The following GRM3 variants were observed in gnomAD, a reference collection of about 807,000 sequenced individuals.
The protein encoded by GRM3 is metabotropic glutamate receptor 3.
Under a neutral mutation model 70.5 loss-of-function variants are expected in GRM3, and 26 were observed. The ratio of observed to expected loss-of-function variants is 0.37; its 90% confidence interval spans 0.27 to 0.51. The LOEUF (loss-of-function observed/expected upper bound fraction) is 0.51, where lower values mean the gene tolerates loss of function less well. GRM3 is among the 20% of genes least tolerant of loss of function. The pLI is 0.93. For missense variants in GRM3, 859 were observed against 1,123.8 expected (o/e 0.76, Z 3.37); for synonymous variants, 443 against 434.9 (o/e 1.02, Z -0.23).
Position 86,769,416 on chromosome 7 carries a change from C to T in GRM3, c.468+3803C>T, listed in dbSNP as rs1226095091. On this transcript the variant is annotated intron_variant, in intron 2 of 5. Transcript: ENST00000361669. ...TTGCAAATTGCCTGTTGAGAGAGAA[C>T]TTTAGAGAATGACAGCATTTTGTGC... Among the ~76,000 whole-genome samples, 8 of 152,204 alleles carry T rather than the reference C, an allele frequency of 5.3e-5. No homozygotes were observed. The East Asian group carries it at 1.2e-3, about 22-fold the overall frequency.
chr7:86,860,300 G>A (rs1798930345), intron 5 of GRM3, among the ~76,000 whole-genome samples: 1 of 152,000 alleles, frequency 6.6e-6, no homozygotes, highest in African/African-American at 2.4e-5. Flanking sequence ...ATAACAGACG[G>A]GCTAATACAG....
intron 3 of GRM3, among the ~76,000 whole-genome samples, chr7:86,803,623 C>T (rs1003895005): frequency 3.9e-5 from 6 of 152,188 alleles, no homozygotes; most frequent in East Asian, 1.9e-4. Context: ...CAGCCTTCTA[C>T]TTTTTGCTGC....
At chr7:86,806,126 A>G (rs1298937550) in intron 3 of GRM3, among the ~76,000 whole-genome samples, 1 of 151,906 alleles carries the variant, frequency 6.6e-6, no homozygotes, top group Non-Finnish European at 1.5e-5. Context: ...TATGTGCCAC[A>G]TTTTCTTAAT....
In GRM3 at chr7:86,756,046, A is replaced by G. The variant is rs117286359; in HGVS notation, c.-140-8960A>G. Among the ~76,000 whole-genome samples, 709 of 152,018 alleles carry G rather than the reference A, an allele frequency of 4.7e-3. 5 individuals are homozygous for G. The highest frequency in any genetic ancestry group is 8.0e-3 in the Non-Finnish European group (547 of 67,964). On this transcript the variant is annotated intron_variant, in intron 1 of 5. Transcript: ENST00000361669. ...TCTGGTGTTGTTTCCTCTTACTTTG[A>G]AGTAATTCCTGTAGCATTTCTTTGT...
intron 3 of GRM3, among the ~76,000 whole-genome samples, chr7:86,799,913 G>T (rs993169620): frequency 1.3e-5 from 2 of 152,144 alleles, no homozygotes; most frequent in Non-Finnish European, 2.9e-5. Flanking sequence ...AGATAATCAT[G>T]TGTTTTTTGT....
chr7:86,794,638 G>A (rs2116592647), intron 3 of GRM3, among the ~76,000 whole-genome samples: 1 of 152,280 alleles, frequency 6.6e-6, no homozygotes, highest in East Asian at 1.9e-4. Flanking sequence ...CTTAGCAGGG[G>A]TCCACAATAC....
chr7:86,734,817 A>G (rs540105090), intron 1 of GRM3, among the ~76,000 whole-genome samples: 99 of 152,162 alleles, frequency 6.5e-4, no homozygotes, highest in African/African-American at 2.1e-3. Context: ...CCTCCTCTAT[A>G]TTCCCCCTTC....
intron 1 of GRM3, among the ~76,000 whole-genome samples, chr7:86,749,787 A>G (rs1388215618): frequency 6.6e-6 from 1 of 152,092 alleles, no homozygotes; most frequent in Non-Finnish European, 1.5e-5. Context: ...AGGTGCCTAG[A>G]TTGTCACATC....
intron 1 of GRM3, among the ~76,000 whole-genome samples, chr7:86,664,818 A>G (rs1401236724): frequency 6.6e-6 from 1 of 152,010 alleles, no homozygotes; most frequent in Non-Finnish European, 1.5e-5. Flanking sequence ...TAGTAAACCC[A>G]AAGTCACACA....
intron 4 of GRM3, among the ~76,000 whole-genome samples, chr7:86,847,123 A>C (rs921959179): frequency 6.6e-6 from 1 of 152,172 alleles, no homozygotes; most frequent in African/African-American, 2.4e-5. Flanking sequence ...AATCTTTTAT[A>C]ATGAATAGTA....
At chr7:86,711,127 T>G (rs887865044) in intron 1 of GRM3, among the ~76,000 whole-genome samples, 1 of 152,024 alleles carries the variant, frequency 6.6e-6, no homozygotes, top group African/African-American at 2.4e-5. Flanking sequence ...AATATATTTC[T>G]TGTAGTAGGG....
chr7:86,697,754 T>G (rs1794852151), intron 1 of GRM3, among the ~76,000 whole-genome samples: 1 of 152,102 alleles, frequency 6.6e-6, no homozygotes, highest in African/African-American at 2.4e-5. Flanking sequence ...ATTTACGGTG[T>G]ATTACATATT....
At chr7:86,709,135 A>G (rs964472157) in intron 1 of GRM3, among the ~76,000 whole-genome samples, 4 of 152,116 alleles carry the variant, frequency 2.6e-5, no homozygotes, top group East Asian at 1.9e-4. Flanking sequence ...TTAAGTAGCA[A>G]TGAAGGCTGG....
intron 1 of GRM3, among the ~76,000 whole-genome samples, chr7:86,723,551 A>T (rs1358587911): frequency 6.6e-6 from 1 of 152,182 alleles, no homozygotes; most frequent in Non-Finnish European, 1.5e-5. Flanking sequence ...CCACTAAATG[A>T]TTTTTTACCA....
At chr7:86,853,236 AG>A (rs1487553786) in intron 5 of GRM3, among the ~76,000 whole-genome samples, 7 of 152,210 alleles carry the variant, frequency 4.6e-5, no homozygotes, top group Admixed American at 2.0e-4. Flanking sequence ...AAGGCATAAA[AG>A]GTAAGTCATG....
intron 5 of GRM3, among the ~76,000 whole-genome samples, chr7:86,863,822 AACC>A (rs1799006340): frequency 1.3e-5 from 2 of 152,178 alleles, no homozygotes; most frequent in Non-Finnish European, 2.9e-5. Context: ...GCTAATTTTC[AACC>A]CACAAGTGAC....
At chr7:86,649,980 C>T (rs1793566655) in intron 1 of GRM3, among the ~76,000 whole-genome samples, 2 of 152,028 alleles carry the variant, frequency 1.3e-5, no homozygotes, top group African/African-American at 4.8e-5. Flanking sequence ...AATTATCAAC[C>T]AAATGAAAAA....
At chr7:86,684,627 T>C (rs1794518063) in intron 1 of GRM3, among the ~76,000 whole-genome samples, 1 of 152,222 alleles carries the variant, frequency 6.6e-6, no homozygotes, top group African/African-American at 2.4e-5. Context: ...CCTCTTGCTC[T>C]TTAGCAGTAT....
chr7:86,682,085 T>C (rs1180641889), intron 1 of GRM3, among the ~76,000 whole-genome samples: 1 of 152,194 alleles, frequency 6.6e-6, no homozygotes, highest in Non-Finnish European at 1.5e-5. Context: ...AAACAATTCT[T>C]ATCCTTAAAC....
Sources: gnomAD v4.1 joint callset for allele counts (sites outside exome capture counted in the v4.1 genomes callset) on GRCh38, gnomAD v4.1.1 for gene constraint, MANE v1.5 for transcripts, NCBI Gene and HGNC (gene_info 2026-07-23, HGNC 2026-07-21) for gene names.